Variants in CDH13 observed in about 807,000 individuals in gnomAD.
CDH13 encodes cadherin 13.
Under a neutral mutation model 63.8 loss-of-function variants are expected in CDH13, and 24 were observed. That is an observed-to-expected ratio of 0.38 (90% CI 0.27 to 0.53). The LOEUF is 0.53. Among genes scored for constraint, CDH13 ranks in the 20% least tolerant of loss-of-function variants. The pLI is 0.85. For synonymous variants in CDH13, 503 were observed against 355.3 expected (o/e 1.42, Z -4.67); for missense variants, 1,049 against 903.1 (o/e 1.16, Z -2.07).
chr16:83,105,507 G>T (rs2034721287), intron 3 of CDH13, among the ~76,000 whole-genome samples: 1 of 152,172 alleles, frequency 6.6e-6, no homozygotes, highest in African/African-American at 2.4e-5. Flanking sequence ...ATGAGTAAAT[G>T]CCTCAGGTGT....
chr16:83,224,127 A>G (rs1010816676), intron 5 of CDH13, among the ~76,000 whole-genome samples: 24 of 152,196 alleles, frequency 1.6e-4, no homozygotes, highest in Admixed American at 3.3e-4. Context: ...ACTTAGAATA[A>G]TAGTCTTCAA....
intron 4 of CDH13, among the ~76,000 whole-genome samples, chr16:83,177,911 T>C (rs898802080): frequency 2.0e-5 from 3 of 152,194 alleles, no homozygotes; most frequent in African/African-American, 7.2e-5. Context: ...ACTGTTTATC[T>C]TGTTCACGGA....
chr16:82,913,786 G>A (rs989742229), intron 2 of CDH13, among the ~76,000 whole-genome samples: 2 of 151,982 alleles, frequency 1.3e-5, no homozygotes, highest in Admixed American at 6.5e-5. Context: ...GGGGGTGCAG[G>A]TAGAGGAGTG....
intron 8 of CDH13, among the ~76,000 whole-genome samples, chr16:83,608,548 T>G (rs2150759405): frequency 6.6e-6 from 1 of 152,194 alleles, no homozygotes; most frequent in South Asian, 2.1e-4. Flanking sequence ...AGCACAATCA[T>G]AGTTTCGGCT....
At chr16:82,962,631 T>C (rs1314087324) in intron 2 of CDH13, among the ~76,000 whole-genome samples, 1 of 151,946 alleles carries the variant, frequency 6.6e-6, no homozygotes, top group Admixed American at 6.6e-5. Context: ...AAGATGCGGG[T>C]GAAACTCTGA....
chr16:83,626,899 C>CCTT (rs1436706761), intron 8 of CDH13, among the ~76,000 whole-genome samples: 1 of 152,168 alleles, frequency 6.6e-6, no homozygotes, highest in African/African-American at 2.4e-5. Flanking sequence ...GTCTGGACCA[C>CCTT]CTTCTGCCTT....
chr16:82,738,475 A>G (rs1201411083), intron 1 of CDH13, among the ~76,000 whole-genome samples: 5 of 152,234 alleles, frequency 3.3e-5, no homozygotes, highest in South Asian at 4.1e-4. Context: ...CTTTTAGCAC[A>G]TCACCTTTCT....
At chr16:82,869,334 C>T (rs74475283) in intron 2 of CDH13, among the ~76,000 whole-genome samples, 4,146 of 151,836 alleles carry the variant, frequency 0.027, 179 homozygotes, top group African/African-American at 0.096. Flanking sequence ...TGAACCACTG[C>T]GCTCAGCGGG....
At chr16:82,814,851 G>C (rs2037624526) in intron 1 of CDH13, among the ~76,000 whole-genome samples, 1 of 152,070 alleles carries the variant, frequency 6.6e-6, no homozygotes, top group South Asian at 2.1e-4. Flanking sequence ...GGACCTGTGG[G>C]ATGTGGCTTT....
chr16:82,832,318 A>G (rs2038577580), intron 1 of CDH13, among the ~76,000 whole-genome samples: 2 of 152,330 alleles, frequency 1.3e-5, no homozygotes, highest in South Asian at 2.1e-4. Context: ...AAGTTTTGCA[A>G]TATCTAAGCT....
chr16:82,640,707 G>T (rs1261495396), intron 1 of CDH13, among the ~76,000 whole-genome samples: 1 of 152,096 alleles, frequency 6.6e-6, no homozygotes, highest in African/African-American at 2.4e-5. Context: ...ATTCTCTTTG[G>T]CCTCAGTTGC....
chr16:82,794,875 C>G (rs2036505951), intron 1 of CDH13, among the ~76,000 whole-genome samples: 1 of 152,258 alleles, frequency 6.6e-6, no homozygotes, highest in East Asian at 1.9e-4. Flanking sequence ...CCCCTTTTAC[C>G]TCCCTCACTG....
chr16:83,299,806 T>C (rs536129782), intron 5 of CDH13, among the ~76,000 whole-genome samples: 1 of 152,244 alleles, frequency 6.6e-6, no homozygotes, highest in African/African-American at 2.4e-5. Context: ...CAACACTTAG[T>C]GGCTGAAAAC....
intron 2 of CDH13, among the ~76,000 whole-genome samples, chr16:82,978,053 G>T (rs1049211917): frequency 6.6e-6 from 1 of 152,126 alleles, no homozygotes; most frequent in African/African-American, 2.4e-5. Flanking sequence ...GGGACTGGTG[G>T]CATTTTCCCC....
chr16:82,790,705 C>A (rs896573728), intron 1 of CDH13, among the ~76,000 whole-genome samples: 1 of 152,158 alleles, frequency 6.6e-6, no homozygotes, highest in African/African-American at 2.4e-5. Context: ...AACTTACAAT[C>A]ATAGCAGTGG....
intron 7 of CDH13, among the ~76,000 whole-genome samples, chr16:83,526,289 C>A (rs1425790856): frequency 6.6e-6 from 1 of 151,956 alleles, no homozygotes; most frequent in Non-Finnish European, 1.5e-5. Context: ...CAAGCTGGGG[C>A]AAAAATAGCT....
intron 3 of CDH13, among the ~76,000 whole-genome samples, chr16:83,121,949 T>G (rs1032859871): frequency 1.4e-5 from 2 of 141,650 alleles, no homozygotes; most frequent in East Asian, 4.1e-4. Context: ...ACATAAATTT[T>G]CCTTTAAAAC....
At chr16:82,940,570 A>G (rs1345454165) in intron 2 of CDH13, among the ~76,000 whole-genome samples, 7 of 152,084 alleles carry the variant, frequency 4.6e-5, no homozygotes, top group African/African-American at 1.7e-4. Flanking sequence ...AAGCAAGGAG[A>G]GCTGGATTCT....
intron 5 of CDH13, among the ~76,000 whole-genome samples, chr16:83,228,659 A>G (rs2039915780): frequency 6.6e-6 from 1 of 152,214 alleles, no homozygotes; most frequent in Admixed American, 6.5e-5. Context: ...GATGGAAGAA[A>G]GCATTTAATG....
Sources: gnomAD v4.1 joint callset for allele counts (sites outside exome capture counted in the v4.1 genomes callset) on GRCh38, gnomAD v4.1.1 for gene constraint, MANE v1.5 for transcripts, NCBI Gene and HGNC (gene_info 2026-07-23, HGNC 2026-07-21) for gene names.